Variants in COX18 observed in about 807,000 individuals in gnomAD.
COX18 encodes cytochrome c oxidase assembly protein COX18, mitochondrial.
In COX18, 45 loss-of-function variants were observed where a neutral mutation model predicts 38.0. The observed-to-expected ratio is 1.18, with a 90% CI of 0.93 to 1.52. The LOEUF is 1.52. COX18 is among the 40% of genes most tolerant of loss of function. The pLI, the probability that COX18 is intolerant of heterozygous loss-of-function variation, is 0.00. For synonymous variants in COX18, 177 were observed against 169.8 expected (o/e 1.04, Z -0.33); for missense variants, 462 against 423.8 (o/e 1.09, Z -0.79).
rs1016170521 is a variant in COX18 at position 73,054,495 on chromosome 4, C to T, written c.*3619G>A. The stretch of plus-strand genomic sequence containing the variant: ...TTATACATGGGTTTATCCCAAGATC[C>T]CAGCAACCCCCACTTGTGAGAAATT... On this transcript the variant is annotated 3_prime_UTR_variant, in exon 6 of 6. Transcript: ENST00000507544. 2 of 152,124 alleles carry T rather than the reference C, an allele frequency of 1.3e-5. No homozygotes were observed. The highest frequency in any genetic ancestry group is 2.9e-5 in the Non-Finnish European group (2 of 68,040). 9.4% of individuals were successfully genotyped at this position (152,124 alleles called of 1,614,324 possible).
At chr4:73,065,980 C>T (rs890227869) in intron 2 of COX18, among the ~76,000 whole-genome samples, 1 of 152,072 alleles carries the variant, frequency 6.6e-6, no homozygotes, top group Non-Finnish European at 1.5e-5. Context: ...TACAGTCTTC[C>T]TTCAGGTCCA....
In COX18 at chr4:73,055,160, A is replaced by G. The variant is rs1719840770; in HGVS notation, c.*2954T>C. Reference sequence around the variant, plus strand: ...ACACAGTAACACACACGGCAAAGGCAAAGTTATTCCAGAGGTAATATGTAA... The same window carrying G: ...ACACAGTAACACACACGGCAAAGGCGAAGTTATTCCAGAGGTAATATGTAA... On this transcript the variant is annotated 3_prime_UTR_variant, in exon 6 of 6. Transcript: ENST00000507544. 1 of 152,254 alleles carries G rather than the reference A, an allele frequency of 6.6e-6. No homozygotes were observed. Among genetic ancestry groups the G allele is most frequent in the Admixed American group, 6.5e-5 (1 of 15,290 alleles). The allele number at this position is 152,254 out of a possible 1,614,324, so 9.4% of individuals were successfully genotyped here. A position where few individuals can be genotyped will look rare whatever the true frequency, so the allele number is the denominator to read the frequency against.
At chr4:73,061,994 A>C in intron 4 of COX18, 74 bp from the exon 5 acceptor site, 1 of 661,818 alleles carries the variant, frequency 1.5e-6, no homozygotes, top group Non-Finnish European at 2.5e-6. Flanking sequence ...TTAAAATATA[A>C]ACTGATTTTT....
intron 2 of COX18, among the ~76,000 whole-genome samples, chr4:73,066,379 C>T (rs1345915501): frequency 6.6e-6 from 1 of 152,152 alleles, no homozygotes; most frequent in Non-Finnish European, 1.5e-5. Context: ...CCCTTCAAGA[C>T]TCAATACTAT....
intron 1 of COX18, 37 bp from the exon 2 acceptor site, chr4:73,068,166 G>T: frequency 1.5e-6 from 2 of 1,315,344 alleles, no homozygotes; most frequent in East Asian, 2.5e-5. Flanking sequence ...AGCACATAAA[G>T]GATCTTTATT....
rs1420183633 is a variant in COX18, at chr4:73,056,038, G to A, written c.*2076C>T. 6.6e-6 allele frequency: 1 copy of A among 152,092 alleles called. No individual in the cohort carries two copies. The highest frequency in any genetic ancestry group is 2.4e-5 in the African/African-American group (1 of 41,414). 9.4% of individuals were successfully genotyped at this position (152,092 alleles called of 1,614,324 possible). Reference sequence around the variant, plus strand: ...AAAATGTCATAACTTCATTAAGCAGGTGAACTAAAATTTAAGAGACATCAA... The same window carrying A: ...AAAATGTCATAACTTCATTAAGCAGATGAACTAAAATTTAAGAGACATCAA... On this transcript the variant is annotated 3_prime_UTR_variant, in exon 6 of 6. Coordinates refer to ENST00000507544, the MANE Select transcript of COX18 (RefSeq NM_001297732.2).
Position 73,061,902 on chromosome 4 carries a change from T to C in COX18, c.742A>G (p.Ile248Val). 1 of 1,608,522 alleles carries C rather than the reference T, an allele frequency of 6.2e-7. No homozygotes were observed. Among genetic ancestry groups the C allele is most frequent in the Non-Finnish European group, 8.5e-7 (1 of 1,175,326 alleles). Residue 248 changes from isoleucine (I) to valine (V), a missense_variant, in exon 5 of 6, where the codon ATT (isoleucine) becomes GTT (valine). Coordinates refer to ENST00000507544, the MANE Select transcript of COX18 (RefSeq NM_001297732.2). Reference sequence around the variant, plus strand: ...TACGTCTGAAAACGAGACATTCCAATTTTTTGTAGAGCACAAATCTGAAGG... The same window carrying C: ...TACGTCTGAAAACGAGACATTCCAACTTTTTGTAGAGCACAAATCTGAAGG... Reference protein sequence around the residue: ...LIVEICALQKIGMSRFQTYIT... With the variant: ...LIVEICALQKVGMSRFQTYIT...
intron 1 of COX18, among the ~76,000 whole-genome samples, chr4:73,068,996 C>T (rs901045906): frequency 6.6e-6 from 1 of 152,192 alleles, no homozygotes; most frequent in Non-Finnish European, 1.5e-5. Flanking sequence ...GTAGGTTTCG[C>T]CAACACAATT....
intron 1 of COX18, 58 bp downstream of exon 1, chr4:73,069,259 C>G: frequency 7.7e-7 from 1 of 1,298,170 alleles, no homozygotes. Flanking sequence ...TGAATGTCGG[C>G]CTTCCTCCGC....
Position 73,069,118 on chromosome 4 carries a change from A to G in COX18, c.333+199T>C, listed in dbSNP as rs78065390. On this transcript the variant is annotated intron_variant, in intron 1 of 5. Coordinates refer to ENST00000507544, the MANE Select transcript of COX18 (RefSeq NM_001297732.2). ...AAGAAATGACAGGTACACGTGTCAC[A>G]AAGTATCTTATTTAACACACCTAAT... is the stretch of plus-strand genomic sequence containing the variant. Among the ~76,000 whole-genome samples, 339 of 152,378 alleles carry G rather than the reference A, an allele frequency of 2.2e-3. 2 individuals carry two copies. Among genetic ancestry groups the G allele is most frequent in the African/African-American group, 7.8e-3 (326 of 41,588 alleles).
At position 73,069,677 on chromosome 4, in the gene COX18, C is replaced by G. The variant is rs770980132; in HGVS notation, c.-28G>C. The G allele has an allele frequency of 9.1e-6, 14 of 1,535,594 alleles. No individual in the cohort carries two copies. Among genetic ancestry groups the G allele is most frequent in the African/African-American group, 1.4e-5 (1 of 73,238 alleles). On this transcript the variant is annotated 5_prime_UTR_variant, in exon 1 of 6. Transcript: ENST00000507544. Reference sequence around the variant, plus strand: ...CTGCACCACGGCGGAGCCCAGATCCCGGGCCTCACAATCCAGCGGACATAC... The same window carrying G: ...CTGCACCACGGCGGAGCCCAGATCCGGGGCCTCACAATCCAGCGGACATAC...
chr4:73,062,071 T>G, intron 4 of COX18, 151 bp from the exon 5 acceptor site: 1 of 560,756 alleles, frequency 1.8e-6, no homozygotes, highest in Non-Finnish European at 3.1e-6. Context: ...TTAATTTATA[T>G]GGCTGATCAT....
rs2110043189 is a variant in COX18, at chr4:73,056,881, G to A, written c.*1233C>T. 1 of 152,358 alleles carries A rather than the reference G, an allele frequency of 6.6e-6. No homozygotes were observed. Among genetic ancestry groups the A allele is most frequent in the East Asian group, 1.9e-4 (1 of 5,176 alleles). 9.4% of individuals were successfully genotyped at this position (152,358 alleles called of 1,614,324 possible). ...CACGCCTGTAATCCCAGCACTTTGG[G>A]AGGCCAAGGTGGGCAGATCACTTGA... is the stretch of plus-strand genomic sequence containing the variant. On this transcript the variant is annotated 3_prime_UTR_variant, in exon 6 of 6. Transcript: ENST00000507544.
At chr4:73,067,841 C>CAAAAAA (rs1553907450) in intron 2 of COX18, among the ~76,000 whole-genome samples, 188 bp downstream of exon 2, 141 of 1,992 alleles carry the variant, frequency 0.071, 55 homozygotes, top group East Asian at 0.25. Flanking sequence ...AACTCCGTCT[C>CAAAAAA]AAAAAAAAAA....
rs115439425 is a variant in COX18, at chr4:73,055,119, A to G, written c.*2995T>C. 1.9e-3 allele frequency: 297 copies of G among 152,322 alleles called. No individual in the cohort carries two copies. Among genetic ancestry groups the G allele is most frequent in the African/African-American group, 6.8e-3 (284 of 41,570 alleles). The allele number at this position is 152,322 out of a possible 1,614,324, so 9.4% of individuals were successfully genotyped here. On this transcript the variant is annotated 3_prime_UTR_variant, in exon 6 of 6. Transcript: ENST00000507544. ...CACACACGGCAAAGGCCATTATGAG[A>G]AAAATATCTGAGTGTACACAGTAAC...
At chr4:73,061,388 A>C (rs538854508) in intron 5 of COX18, among the ~76,000 whole-genome samples, 91 of 152,322 alleles carry the variant, frequency 6.0e-4, no homozygotes, top group African/African-American at 2.0e-3. Context: ...GTAAGGGATC[A>C]AGTAGTCAGA....
rs886264929 is a variant in COX18, at chr4:73,054,406, C to A, written c.*3708G>T. 2 of 152,192 alleles carry A rather than the reference C, an allele frequency of 1.3e-5. No homozygotes were observed. The highest frequency in any genetic ancestry group is 3.8e-4 in the East Asian group (2 of 5,204). The allele number at this position is 152,192 out of a possible 1,614,324, so 9.4% of individuals were successfully genotyped here. A position where few individuals can be genotyped will look rare whatever the true frequency, so the allele number is the denominator to read the frequency against. On this transcript the variant is annotated 3_prime_UTR_variant, in exon 6 of 6. Transcript: ENST00000507544. ...TGAAGAAAAAAATCAAGAGTATTTACCATCCTGAAGTCAGGTAAGTTCAGG... is the reference window on the plus strand; with the variant it reads ...TGAAGAAAAAAATCAAGAGTATTTAACATCCTGAAGTCAGGTAAGTTCAGG...
At position 73,069,513 on chromosome 4, in the gene COX18, A is replaced by T. The variant is rs773352203; in HGVS notation, c.137T>A (p.Val46Asp). ...CCAGCCGTTCGCATGTACTGCAGAG[A>T]CTGGTGCCACTGCCCACACTGGGAG... ...PTLPVWAVAP[V>D]SAVHANGWYE... Residue 46 changes from valine to aspartate, a missense_variant, in exon 1 of 6, where the codon GTC becomes GAC. Coordinates refer to ENST00000507544, the MANE Select transcript of COX18 (RefSeq NM_001297732.2). The T allele has an allele frequency of 6.3e-7, 1 of 1,586,698 alleles. No individual in the cohort carries two copies.
intron 5 of COX18, among the ~76,000 whole-genome samples, chr4:73,060,779 C>G (rs1720114263): frequency 6.6e-6 from 1 of 150,742 alleles, no homozygotes; most frequent in Non-Finnish European, 1.5e-5. Context: ...ACTAGGGAGG[C>G]TGAGGGAGGA....
Sources: gnomAD v4.1 joint callset for allele counts (sites outside exome capture counted in the v4.1 genomes callset) on GRCh38, gnomAD v4.1.1 for gene constraint, MANE v1.5 for transcripts, NCBI Gene and HGNC (gene_info 2026-07-23, HGNC 2026-07-21) for gene names.